PCOLCE2: variants seen among roughly 807,000 people sequenced by gnomAD.
PCOLCE2 encodes procollagen C-endopeptidase enhancer 2.
PCOLCE2 carries 42 observed loss-of-function variants against 47.0 expected under a neutral mutation model. The ratio of observed to expected loss-of-function variants is 0.89; its 90% confidence interval spans 0.70 to 1.16. The LOEUF is 1.16. PCOLCE2 is among the 50% of genes most tolerant of loss of function. The pLI, the probability that PCOLCE2 is intolerant of heterozygous loss-of-function variation, is 0.00. For missense variants in PCOLCE2, 500 were observed against 526.1 expected (o/e 0.95, Z 0.49); for synonymous variants, 169 against 191.7 (o/e 0.88, Z 0.98).
chr3:142,880,148 T>TA (rs1933583532), intron 2 of PCOLCE2, among the ~76,000 whole-genome samples: 2 of 149,780 alleles, frequency 1.3e-5, no homozygotes, highest in African/African-American at 2.5e-5. Context: ...TATTCTTACA[T>TA]AAAAATAATA....
chr3:142,836,159 T>C (rs1357812624), intron 5 of PCOLCE2, among the ~76,000 whole-genome samples: 2 of 152,222 alleles, frequency 1.3e-5, no homozygotes, highest in Non-Finnish European at 2.9e-5. Context: ...ACCCCAAATG[T>C]TGGCTGGTTT....
At chr3:142,888,762 G>A in intron 1 of PCOLCE2, 52 bp downstream of exon 1, 1 of 1,097,746 alleles carries the variant, frequency 9.1e-7, no homozygotes, top group South Asian at 1.8e-5. Flanking sequence ...GAGGCTGCAG[G>A]GGTGGAGGAA....
intron 4 of PCOLCE2, among the ~76,000 whole-genome samples, chr3:142,841,210 G>A (rs56089501): frequency 0.26 from 39,917 of 151,998 alleles, 5,283 homozygotes; most frequent in African/African-American, 0.28. Flanking sequence ...AAATTCCAAT[G>A]AAATTCCTTC....
chr3:142,823,884 T>C (rs1238138022), intron 6 of PCOLCE2, among the ~76,000 whole-genome samples: 1 of 152,206 alleles, frequency 6.6e-6, no homozygotes, highest in African/African-American at 2.4e-5. Context: ...TCTTCCTTTA[T>C]ATAAAACAAA....
chr3:142,852,647 ATGTGTGTGTGTG>A (rs35154183), intron 2 of PCOLCE2, among the ~76,000 whole-genome samples: 1 of 144,720 alleles, frequency 6.9e-6, no homozygotes, highest in African/African-American at 2.5e-5. Flanking sequence ...GCTGATCAAA[ATGTGTGTGTGTG>A]TGTGTGTGTG....
At chr3:142,829,357 A>C (rs1403608765) in intron 6 of PCOLCE2, among the ~76,000 whole-genome samples, 1 of 152,114 alleles carries the variant, frequency 6.6e-6, no homozygotes, top group Non-Finnish European at 1.5e-5. Flanking sequence ...TCAACCTAAA[A>C]TATCACAATT....
intron 5 of PCOLCE2, among the ~76,000 whole-genome samples, chr3:142,831,405 C>T (rs568747033): frequency 6.6e-6 from 1 of 152,302 alleles, no homozygotes; most frequent in South Asian, 2.1e-4. Flanking sequence ...AGGCTCTCCC[C>T]AGATGTGGTC....
At chr3:142,870,749 A>C (rs544316281) in intron 2 of PCOLCE2, among the ~76,000 whole-genome samples, 172 of 147,370 alleles carry the variant, frequency 1.2e-3, no homozygotes, top group Non-Finnish European at 2.0e-3. Flanking sequence ...TCTTCTTCTC[A>C]AAACCTAAGT....
chr3:142,858,623 C>T (rs1005077011), intron 2 of PCOLCE2, among the ~76,000 whole-genome samples: 9 of 152,048 alleles, frequency 5.9e-5, no homozygotes, highest in African/African-American at 1.9e-4. Flanking sequence ...TGGGGGGGTC[C>T]CACTAAGACA....
intron 2 of PCOLCE2, among the ~76,000 whole-genome samples, chr3:142,885,207 T>C (rs555109544): frequency 1.3e-5 from 2 of 152,322 alleles, no homozygotes; most frequent in South Asian, 2.1e-4. Flanking sequence ...TAGAGTTTAA[T>C]GAAAACCATT....
chr3:142,876,950 C>CA (rs1560141594), intron 2 of PCOLCE2, among the ~76,000 whole-genome samples: 1 of 152,170 alleles, frequency 6.6e-6, no homozygotes, highest in Admixed American at 6.5e-5. Flanking sequence ...ACCAGCACAA[C>CA]AGTGGAACTA....
In PCOLCE2 at chr3:142,842,856, G is replaced by C. The variant is rs1937279119; in HGVS notation, c.573+68C>G. The C allele has an allele frequency of 3.9e-6, 6 of 1,534,580 alleles. No individual in the cohort carries two copies. Among genetic ancestry groups the C allele is most frequent in the South Asian group, 3.5e-5 (3 of 86,614 alleles). ...CCCCCACAACAGGAGGCTCTTGAGA[G>C]TTGGTGGGCCCCCCACACTGGGCAA... On this transcript the variant is annotated intron_variant, in intron 4 of 8. Transcript: ENST00000295992. This position sits in a 1 kb window ranked among gnomAD's most constrained non-coding sequence, Gnocchi z 4.1.
intron 1 of PCOLCE2, among the ~76,000 whole-genome samples, chr3:142,888,053 T>G (rs944347505): frequency 6.6e-6 from 1 of 152,166 alleles, no homozygotes; most frequent in Non-Finnish European, 1.5e-5. Context: ...CAAAGTCTTG[T>G]AGGAAAATGG....
At chr3:142,841,611 C>T (rs144071021) in intron 4 of PCOLCE2, among the ~76,000 whole-genome samples, 4 of 152,070 alleles carry the variant, frequency 2.6e-5, no homozygotes, top group East Asian at 3.9e-4. Flanking sequence ...AAATAAATGG[C>T]CATATATTTC....
At chr3:142,844,533 G>C (rs973817311) in intron 3 of PCOLCE2, among the ~76,000 whole-genome samples, 2 of 152,062 alleles carry the variant, frequency 1.3e-5, no homozygotes, top group African/African-American at 4.8e-5. Flanking sequence ...TGAACACTTC[G>C]GTTGCTTTAC....
intron 6 of PCOLCE2, 27 bp downstream of exon 6, chr3:142,829,665 C>T: frequency 1.3e-6 from 2 of 1,528,288 alleles, no homozygotes; most frequent in Non-Finnish European, 1.8e-6. Context: ...AAAGTTTTTG[C>T]ACAAACTTCC....
At chr3:142,828,969 G>T (rs1222855957) in intron 6 of PCOLCE2, among the ~76,000 whole-genome samples, 1 of 152,128 alleles carries the variant, frequency 6.6e-6, no homozygotes, top group Non-Finnish European at 1.5e-5. Context: ...GGAAAATGTG[G>T]GCAATAAAGC....
Position 142,827,678 on chromosome 3 carries a change from C to T in PCOLCE2, c.865+2014G>A, listed in dbSNP as rs138205587. ...CCGCTTCTTAAACCAGTACGGGTCGCGGAAGACCACCTTGGGGAGGGGCGC... is the reference window on the plus strand; with the variant it reads ...CCGCTTCTTAAACCAGTACGGGTCGTGGAAGACCACCTTGGGGAGGGGCGC... On this transcript the variant is annotated intron_variant, in intron 6 of 8. Transcript: ENST00000295992. 3.3e-4 allele frequency: 430 copies of T among 1,315,420 alleles called. 1 individual carries two copies. In the African/African-American group the frequency reaches 5.2e-3, roughly 16 times the overall value. The allele number at this position is 1,315,420 out of a possible 1,614,324, so 81.5% of individuals were successfully genotyped here.
Position 142,851,753 on chromosome 3 carries a change from G to A in PCOLCE2, c.193-3281C>T, listed in dbSNP as rs1325307835. 8.5e-5 allele frequency among the ~76,000 whole-genome samples: 13 copies of A among 152,258 alleles called. No individual in the cohort carries two copies. The East Asian group carries it at 1.7e-3, about 20-fold the overall frequency. On this transcript the variant is annotated intron_variant, in intron 2 of 8. Coordinates refer to ENST00000295992, the MANE Select transcript of PCOLCE2 (RefSeq NM_013363.4). ...GGAGTTAAAATTTGCAAGAAGCGAG[G>A]AAGACTGTCCAGGAGGCTTTTAGAT...
Sources: allele counts gnomAD v4.1 joint callset (sites outside exome capture counted in the v4.1 genomes callset), GRCh38; gene constraint gnomAD v4.1.1; non-coding constraint Gnocchi (gnomAD v3.1); transcripts MANE v1.5; gene names NCBI Gene and HGNC (gene_info 2026-07-23, HGNC 2026-07-21).